Variants in CALN1 observed in about 807,000 individuals in gnomAD.
CALN1 encodes the protein calcium-binding protein 8.
CALN1 carries 17 observed loss-of-function variants against 30.6 expected under a neutral mutation model. That is an observed-to-expected ratio of 0.56 (90% CI 0.38 to 0.83). The LOEUF is 0.83. CALN1 is among the 40% of genes least tolerant of loss of function. The pLI is 0.00. For synonymous variants in CALN1, 156 were observed against 131.4 expected (o/e 1.19, Z -1.28); for missense variants, 291 against 354.9 (o/e 0.82, Z 1.45).
chr7:72,351,459 T>C (rs1802911987), intron 2 of CALN1, among the ~76,000 whole-genome samples: 1 of 152,226 alleles, frequency 6.6e-6, no homozygotes, highest in African/African-American at 2.4e-5. Flanking sequence ...TTAACTTTCT[T>C]TAAAAGGTAG....
rs564293466 is a variant in CALN1 at position 72,350,830 on chromosome 7, CA to C, written c.119+52420del. ...AAAATACTGAGAATTTCCTAATCAG[CA>C]AAAATATCCTCTGAATTTAAAGGTG... On this transcript the variant is annotated intron_variant, in intron 2 of 6. Coordinates refer to ENST00000395275, the MANE Select transcript of CALN1 (RefSeq NM_031468.4). Among the ~76,000 whole-genome samples, 46 of 152,242 alleles carry C rather than the reference CA, an allele frequency of 3.0e-4. 1 individual carries two copies. The South Asian group carries it at 9.3e-3, about 31-fold the overall frequency.
chr7:72,163,029 G>T (rs1347798525), intron 3 of CALN1, among the ~76,000 whole-genome samples: 1 of 152,232 alleles, frequency 6.6e-6, no homozygotes, highest in Non-Finnish European at 1.5e-5. Context: ...CCAGAATGCT[G>T]AAAGTGCTGA....
chr7:71,897,745 T>C (rs1793603575), intron 5 of CALN1, among the ~76,000 whole-genome samples: 1 of 150,976 alleles, frequency 6.6e-6, no homozygotes, highest in Non-Finnish European at 1.5e-5. Flanking sequence ...AAATCTAGTA[T>C]CCCACAAATA....
chr7:72,067,775 T>C (rs1804124685), intron 4 of CALN1, among the ~76,000 whole-genome samples: 1 of 152,008 alleles, frequency 6.6e-6, no homozygotes, highest in Non-Finnish European at 1.5e-5. Context: ...GCACTTGGTA[T>C]GCTTGGGCCC....
At chr7:72,148,869 A>C (rs1037863495) in intron 3 of CALN1, among the ~76,000 whole-genome samples, 5 of 151,016 alleles carry the variant, frequency 3.3e-5, no homozygotes, top group Non-Finnish European at 7.4e-5. Flanking sequence ...ATACCACTGC[A>C]CTCCAGGCTG....
intron 5 of CALN1, among the ~76,000 whole-genome samples, chr7:71,957,704 G>C (rs1014077434): frequency 2.0e-5 from 3 of 152,092 alleles, no homozygotes; most frequent in Non-Finnish European, 4.4e-5. Flanking sequence ...GAAGAAACTA[G>C]GAATGTTCTC....
intron 2 of CALN1, among the ~76,000 whole-genome samples, chr7:72,380,892 C>G (rs2129560805): frequency 6.6e-6 from 1 of 152,094 alleles, no homozygotes; most frequent in South Asian, 2.1e-4. Flanking sequence ...TGGGGTCACC[C>G]TAAAAGGATG....
intron 5 of CALN1, among the ~76,000 whole-genome samples, chr7:71,948,790 C>T (rs1258200442): frequency 2.6e-5 from 4 of 150,944 alleles, no homozygotes; most frequent in African/African-American, 4.9e-5. Context: ...GCATGCAATC[C>T]CAATGTTTTT....
rs555377936 is a variant in CALN1, at chr7:72,404,409, AAAAC to A, written c.-73-971_-73-968del. ...GTTCTCTTTGGTTTCATTGAAGGTA[AAAAC>A]AAACAATAATAAAGACAAACAAAGA... is the stretch of plus-strand genomic sequence containing the variant. On this transcript the variant is annotated intron_variant, in intron 1 of 6. Transcript: ENST00000395275. Among the ~76,000 whole-genome samples, 22 of 152,300 alleles carry A rather than the reference AAAAC, an allele frequency of 1.4e-4. No individual in the cohort carries two copies. The South Asian group carries it at 2.3e-3, about 16-fold the overall frequency.
At chr7:72,225,412 G>T (rs945957958) in intron 3 of CALN1, among the ~76,000 whole-genome samples, 21 of 151,972 alleles carry the variant, frequency 1.4e-4, no homozygotes. Flanking sequence ...GAGGGGCAAC[G>T]ATACCCCAAA....
chr7:72,319,189 TG>T (rs1291663404), intron 2 of CALN1, among the ~76,000 whole-genome samples: 3 of 152,232 alleles, frequency 2.0e-5, no homozygotes, highest in Non-Finnish European at 4.4e-5. Flanking sequence ...ATATATATTC[TG>T]TATTATTTCG....
At chr7:71,863,117 A>G (rs1431645377) in intron 5 of CALN1, among the ~76,000 whole-genome samples, 1 of 151,706 alleles carries the variant, frequency 6.6e-6, no homozygotes, top group African/African-American at 2.4e-5. Context: ...AAAGTTAGCC[A>G]GGCATAGTGG....
rs531836694 is a variant in CALN1, at chr7:71,823,849, A to G, written c.502-13357T>C. Among the ~76,000 whole-genome samples, 11 of 152,348 alleles carry G rather than the reference A, an allele frequency of 7.2e-5. No individual in the cohort carries two copies. The East Asian group carries it at 2.1e-3, about 29-fold the overall frequency. ...TCACAATCGTGGCAGAAGACGAAGG[A>G]AGAACAAAGGGACTTCTTATATGGT... is the stretch of plus-strand genomic sequence containing the variant. On this transcript the variant is annotated intron_variant, in intron 5 of 6. Coordinates refer to ENST00000395275, the MANE Select transcript of CALN1 (RefSeq NM_031468.4).
intron 3 of CALN1, among the ~76,000 whole-genome samples, chr7:72,119,289 T>C (rs1422909606): frequency 6.6e-6 from 1 of 151,646 alleles, no homozygotes; most frequent in Admixed American, 6.6e-5. Context: ...TCTTACATGG[T>C]GGCAGAAAAG....
At chr7:72,105,530 C>G (rs56410383) in intron 4 of CALN1, among the ~76,000 whole-genome samples, 28,135 of 151,428 alleles carry the variant, frequency 0.19, 3,208 homozygotes, top group East Asian at 0.27. Context: ...GACCAAGACC[C>G]TGGTCTTGGT....
intron 5 of CALN1, among the ~76,000 whole-genome samples, chr7:71,833,528 A>C (rs1454390558): frequency 6.6e-6 from 1 of 151,858 alleles, no homozygotes; most frequent in African/African-American, 2.4e-5. Context: ...AAATCTAGTG[A>C]CAGCCATGAG....
At position 72,303,450 on chromosome 7, in the gene CALN1, G is replaced by T. The variant is rs1309953954; in HGVS notation, c.120-24640C>A. Among the ~76,000 whole-genome samples, 3 of 152,130 alleles carry T rather than the reference G, an allele frequency of 2.0e-5. No homozygotes were observed. The East Asian group carries it at 5.8e-4, about 30-fold the overall frequency. On this transcript the variant is annotated intron_variant, in intron 2 of 6. Coordinates refer to ENST00000395275, the MANE Select transcript of CALN1 (RefSeq NM_031468.4). ...GGCATGCCTGTAATCCCAGCTACTTGGGAGGCTGAGACAGGACAATCCCTT... is the reference window on the plus strand; with the variant it reads ...GGCATGCCTGTAATCCCAGCTACTTTGGAGGCTGAGACAGGACAATCCCTT...
intron 2 of CALN1, among the ~76,000 whole-genome samples, chr7:72,293,020 T>C (rs189573828): frequency 1.8e-3 from 276 of 152,226 alleles, no homozygotes; most frequent in South Asian, 3.1e-3. Context: ...TGTTGTTCAG[T>C]AGCGCCCACT....
intron 4 of CALN1, among the ~76,000 whole-genome samples, chr7:72,087,991 C>G (rs1189820523): frequency 6.6e-6 from 1 of 151,994 alleles, no homozygotes; most frequent in Non-Finnish European, 1.5e-5. Context: ...AGTAAGACCC[C>G]GCCTCTACCA....
Sources: gnomAD v4.1 joint callset for allele counts (sites outside exome capture counted in the v4.1 genomes callset) on GRCh38, gnomAD v4.1.1 for gene constraint, MANE v1.5 for transcripts, NCBI Gene and HGNC (gene_info 2026-07-23, HGNC 2026-07-21) for gene names.